TACC2: variants seen among roughly 807,000 people sequenced by gnomAD.
TACC2 encodes the protein transforming acidic coiled-coil-containing protein 2.
TACC2 carries 137 observed loss-of-function variants against 227.3 expected under a neutral mutation model. That is an observed-to-expected ratio of 0.60 (90% CI 0.52 to 0.69). The LOEUF is 0.69. Among genes scored for constraint, TACC2 ranks in the 30% least tolerant of loss-of-function variants. TACC2 has a pLI of 0.00. For missense variants in TACC2, 3,470 were observed against 3,694.4 expected (o/e 0.94, Z 1.57); for synonymous variants, 1,523 against 1,487.5 (o/e 1.02, Z -0.55).
intron 6 of TACC2, 51 bp downstream of exon 6, chr10:122,132,785 G>A (rs371765814): frequency 6.2e-7 from 1 of 1,603,628 alleles, no homozygotes; most frequent in Non-Finnish European, 8.5e-7. Flanking sequence ...CCCAATCCTT[G>A]AGGCTGCCTT....
chr10:122,229,588 G>C, intron 15 of TACC2, 102 bp downstream of exon 15: 1 of 1,359,848 alleles, frequency 7.4e-7, no homozygotes, highest in Non-Finnish European at 1.0e-6. Context: ...ATGAGGAACT[G>C]CCGAGAACGT....
At chr10:122,075,198 AAAAAAG>A (rs1353924428) in intron 3 of TACC2, among the ~76,000 whole-genome samples, 3 of 116,958 alleles carry the variant, frequency 2.6e-5, no homozygotes, top group Middle Eastern at 4.3e-3. Flanking sequence ...CAAAAAAAAA[AAAAAAG>A]AAAGAAAGAA....
At chr10:122,027,748 A>ATTT (rs140880473) in intron 2 of TACC2, among the ~76,000 whole-genome samples, 179 of 142,970 alleles carry the variant, frequency 1.3e-3, no homozygotes, top group Non-Finnish European at 1.8e-3. Context: ...ACTTTCTGGG[A>ATTT]TTTTTTTTTT....
In TACC2 at chr10:122,254,358, C is replaced by A; in HGVS notation, c.*302C>A. 1 of 415,514 alleles carries A rather than the reference C, an allele frequency of 2.4e-6. No individual in the cohort carries two copies. The allele number at this position is 415,514 out of a possible 1,614,324, so 25.7% of individuals were successfully genotyped here. On this transcript the variant is annotated 3_prime_UTR_variant, in exon 23 of 23. Coordinates refer to ENST00000369005, the MANE Select transcript of TACC2 (RefSeq NM_206862.4). ...GCTGACCTTGGCCTTGCCCTTTGTA[C>A]ACAAGTTCCCAGGGTGAGCAGCTTT...
chr10:122,213,657 T>TAA (rs2095342702), intron 9 of TACC2, among the ~76,000 whole-genome samples: 1 of 152,274 alleles, frequency 6.6e-6, no homozygotes, highest in Non-Finnish European at 1.5e-5. Context: ...GCATATTGGA[T>TAA]GTCTTCATCT....
At chr10:122,089,950 G>T (rs12242677) in intron 5 of TACC2, among the ~76,000 whole-genome samples, 8,230 of 152,128 alleles carry the variant, frequency 0.054, 251 homozygotes, top group South Asian at 0.12. Context: ...ACTGACTTAG[G>T]ATACAATTTC....
intron 7 of TACC2, among the ~76,000 whole-genome samples, chr10:122,186,295 C>T (rs1189250817): frequency 6.6e-6 from 1 of 152,048 alleles, no homozygotes; most frequent in African/African-American, 2.4e-5. Context: ...GTAGCTCATG[C>T]CTATAATCCC....
chr10:122,226,472 C>T lies in TACC2; in HGVS notation c.7715C>T (p.Pro2572Leu), dbSNP rs772560651. ...GTCCGCATGTCAGAGTCCCCGACGC[C>T]GTGTTCAGGGTATGACTTCCATGAT... ...SPVRMSESPT[P>L]CSGSSFEETE... The change falls in exon 13 of 23, where the codon CCG becomes CTG. Residue 2572 changes from proline to leucine, a missense_variant. Physicochemically the swap from Pro to Leu is moderately conservative, Grantham distance 98 (BLOSUM62 -3). Coordinates refer to ENST00000369005, the MANE Select transcript of TACC2 (RefSeq NM_206862.4). The T allele has an allele frequency of 2.2e-5, 36 of 1,612,226 alleles. No individual in the cohort carries two copies. The highest frequency in any genetic ancestry group is 7.7e-5 in the South Asian group (7 of 90,770).
chr10:122,157,176 T>C lies in TACC2; in HGVS notation c.5834+13470T>C, dbSNP rs1408115082. On this transcript the variant is annotated intron_variant, in intron 7 of 22. Coordinates refer to ENST00000369005, the MANE Select transcript of TACC2 (RefSeq NM_206862.4). ...AGCATACGAGGGAGGATCAAGTCTA[T>C]ACATGGTTGCTTTGTTGATGACATT... Among the ~76,000 whole-genome samples the C allele has an allele frequency of 5.9e-5, 9 of 152,190 alleles. No homozygotes were observed. In the South Asian group the frequency reaches 1.4e-3, roughly 25 times the overall value.
In TACC2 at chr10:122,085,139, A is replaced by G. The variant is rs569094533; in HGVS notation, c.2639A>G (p.Glu880Gly). ...TCTTCCCAAATCCATGTACCTGTGG[A>G]ACCTCAGGAAGATAACAACTTGCCC... ...ADSSQIHVPV[E>G]PQEDNNLPTH... The change falls in exon 4 of 23, where the codon GAA becomes GGA. Residue 880 changes from glutamate (E) to glycine (G), a missense_variant. Transcript: ENST00000369005. 6.6e-5 allele frequency: 107 copies of G among 1,614,150 alleles called. 1 individual carries two copies. The South Asian group carries it at 1.1e-3, about 17-fold the overall frequency.
rs180671335 is a variant in TACC2, at chr10:122,130,121, G to T, written c.5574-2488G>T. On this transcript the variant is annotated intron_variant, in intron 5 of 22. Transcript: ENST00000369005. ...CAAGTGATTCTTGTGCCTCAGCCTC[G>T]TGTGGCTGGGATTACAGGCACACAC... 8.0e-4 allele frequency among the ~76,000 whole-genome samples: 122 copies of T among 152,226 alleles called. 2 individuals are homozygous for T. In the South Asian group the frequency reaches 0.025, roughly 31 times the overall value.
chr10:122,104,863 T>A (rs1254257986), intron 5 of TACC2, among the ~76,000 whole-genome samples: 5 of 152,232 alleles, frequency 3.3e-5, no homozygotes, highest in African/African-American at 1.2e-4. Flanking sequence ...CATCTCCCCT[T>A]ACCTCTTCCA....
chr10:122,053,819 C>T (rs928455300), intron 3 of TACC2, among the ~76,000 whole-genome samples: 18 of 152,158 alleles, frequency 1.2e-4, no homozygotes, highest in Non-Finnish European at 7.3e-5. Context: ...AGCATTTTCT[C>T]TTCAAAGGAT....
At chr10:122,088,012 T>C (rs931556061) in intron 4 of TACC2, 53 bp downstream of exon 4, 2 of 1,461,546 alleles carry the variant, frequency 1.4e-6, no homozygotes, top group Admixed American at 5.2e-5. Context: ...TCAAAGGTGA[T>C]TCCCAGCCTG....
rs374068486 is a variant in TACC2 at position 122,132,648 on chromosome 10, C to G, written c.5613C>G (p.Pro1871=). 1 of 1,614,070 alleles carries G rather than the reference C, an allele frequency of 6.2e-7. No individual in the cohort carries two copies. Among genetic ancestry groups the G allele is most frequent in the Non-Finnish European group, 8.5e-7 (1 of 1,180,026 alleles). Reference sequence around the variant, plus strand: ...ATGATATCATCCAGCCCGCTGCCCCCGCAGACCTGGAAAGCCCAACCTTAG... The same window carrying G: ...ATGATATCATCCAGCCCGCTGCCCCGGCAGACCTGGAAAGCCCAACCTTAG... The part of the protein sequence containing the change: ...VADDIIQPAA[P]ADLESPTLAA... The change falls in exon 6 of 23, where the codon CCC becomes CCG. Residue 1871 remains proline (P), a synonymous_variant. Coordinates refer to ENST00000369005, the MANE Select transcript of TACC2 (RefSeq NM_206862.4).
At chr10:122,229,641 G>A (rs1343853710) in intron 15 of TACC2, among the ~76,000 whole-genome samples, 155 bp downstream of exon 15, 1 of 152,080 alleles carries the variant, frequency 6.6e-6, no homozygotes, top group East Asian at 1.9e-4. Flanking sequence ...TATATGTGAC[G>A]TTCTTTCCCC....
rs201773248 is a variant in TACC2 at position 122,087,019 on chromosome 10, C to T, written c.4519C>T (p.Arg1507Trp). Residue 1507 changes from arginine to tryptophan, a missense_variant, in exon 4 of 23, where the codon CGG becomes TGG. Arg to Trp is a moderately radical substitution (Grantham distance 101, BLOSUM62 -3). This residue lies in a region of TACC2 where 1,924 missense variants were observed against 1,978.3 expected (regional missense o/e 0.97). Coordinates refer to ENST00000369005, the MANE Select transcript of TACC2 (RefSeq NM_206862.4). ...LLGPAGLTWE[R>W]NLPGAGVGKE... ...GGGTCCAGCAGGGCTGACCTGGGAG[C>T]GGAACTTGCCAGGTGCCGGTGTGGG... 1.7e-5 allele frequency: 28 copies of T among 1,613,866 alleles called. 1 individual carries two copies. Among genetic ancestry groups the T allele is most frequent in the South Asian group, 1.2e-4 (11 of 91,076 alleles).
intron 16 of TACC2, among the ~76,000 whole-genome samples, chr10:122,235,460 C>G (rs1455283803): frequency 3.9e-5 from 6 of 152,138 alleles, no homozygotes; most frequent in African/African-American, 1.4e-4. Context: ...TCTCAAGCTC[C>G]TGGCCTCAAG....
chr10:122,196,805 G>A (rs149310807), intron 8 of TACC2, among the ~76,000 whole-genome samples: 5,233 of 151,852 alleles, frequency 0.034, 253 homozygotes, highest in African/African-American at 0.11. Context: ...GCGTGGTGGC[G>A]GGCACCTGTA....
Sources: allele counts gnomAD v4.1 joint callset (sites outside exome capture counted in the v4.1 genomes callset), GRCh38; gene constraint gnomAD v4.1.1; regional missense constraint gnomAD v4.1.1; transcripts MANE v1.5; gene names NCBI Gene and HGNC (gene_info 2026-07-23, HGNC 2026-07-21).